NYAP2: variants seen among roughly 807,000 people sequenced by gnomAD.
The protein encoded by NYAP2 is neuronal tyrosine-phosphorylated phosphoinositide-3-kinase adaptor 2.
A neutral mutation model predicts 50.4 loss-of-function variants in NYAP2; 23 were observed. The observed-to-expected ratio is 0.46, with a 90% CI of 0.33 to 0.65. The LOEUF (loss-of-function observed/expected upper bound fraction) is 0.65. Among genes scored for constraint, NYAP2 ranks in the 30% least tolerant of loss-of-function variants. The probability of loss-of-function intolerance (pLI) is 0.02; values close to 1 mark genes in which losing one functional copy is unlikely to be tolerated. For synonymous variants in NYAP2, 394 were observed against 365.2 expected (o/e 1.08, Z -0.90); for missense variants, 885 against 861.0 (o/e 1.03, Z -0.35).
chr2:225,628,315 GT>G (rs543647777), intron 6 of NYAP2, among the ~76,000 whole-genome samples: 1,246 of 109,408 alleles, frequency 0.011, 5 homozygotes, highest in African/African-American at 0.033. Flanking sequence ...AGAACACATA[GT>G]TTTTTTTTTT....
the NYAP2 span, chr2:225,701,320 A>T: frequency 6.6e-6 from 1 of 151,918 alleles, no homozygotes; most frequent in Non-Finnish European, 1.5e-5. Context: ...GATAAAGCTC[A>T]TATTTCTAGC....
intron 6 of NYAP2, among the ~76,000 whole-genome samples, chr2:225,631,072 A>T (rs1177847356): frequency 1.3e-5 from 2 of 152,194 alleles, no homozygotes; most frequent in Non-Finnish European, 2.9e-5. Flanking sequence ...GGAAATTCAG[A>T]TGACACCCTG....
intron 3 of NYAP2, among the ~76,000 whole-genome samples, chr2:225,455,576 T>C (rs1221259514): frequency 6.6e-6 from 1 of 152,190 alleles, no homozygotes; most frequent in Non-Finnish European, 1.5e-5. Flanking sequence ...AAAATGTCCC[T>C]GATTTTAGAC....
exon 7 of NYAP2, chr2:225,651,816 G>T (rs1693737555): frequency 4.4e-6 from 2 of 450,376 alleles, no homozygotes; most frequent in South Asian, 6.1e-5. Context: ...TATAAATGTA[G>T]TAAACTTGTA....
chr2:225,444,786 AC>A (rs1274356114), intron 3 of NYAP2, among the ~76,000 whole-genome samples: 1 of 152,212 alleles, frequency 6.6e-6, no homozygotes, highest in Non-Finnish European at 1.5e-5. Flanking sequence ...GAACTTAGAA[AC>A]AAAAACATTT....
intron 3 of NYAP2, among the ~76,000 whole-genome samples, chr2:225,479,270 G>A (rs1041520299): frequency 6.6e-6 from 1 of 152,094 alleles, no homozygotes; most frequent in African/African-American, 2.4e-5. Context: ...TTTGAATTTG[G>A]TATAATTTGC....
intron 4 of NYAP2, among the ~76,000 whole-genome samples, chr2:225,565,609 G>T (rs1452283905): frequency 6.6e-6 from 1 of 151,210 alleles, no homozygotes; most frequent in Non-Finnish European, 1.5e-5. Flanking sequence ...TTCCAATGTA[G>T]TCAGAGATAA....
intron 3 of NYAP2, among the ~76,000 whole-genome samples, chr2:225,443,787 T>C (rs1428490964): frequency 6.6e-6 from 1 of 152,228 alleles, no homozygotes; most frequent in Non-Finnish European, 1.5e-5. Flanking sequence ...TAGTAATTGT[T>C]CCATATAATT....
chr2:225,673,779 G>A, the NYAP2 span, among the ~76,000 whole-genome samples: 108 of 152,086 alleles, frequency 7.1e-4, 1 homozygote, highest in African/African-American at 2.3e-3. Context: ...ATGATATGTG[G>A]TAAAACAAGA....
intron 3 of NYAP2, among the ~76,000 whole-genome samples, chr2:225,420,479 C>T (rs1695196772): frequency 6.6e-6 from 1 of 152,118 alleles, no homozygotes; most frequent in Admixed American, 6.5e-5. Flanking sequence ...TTCAACATCA[C>T]AGGGTAAATG....
chr2:225,433,260 G>T (rs1372695542), intron 3 of NYAP2, among the ~76,000 whole-genome samples: 1 of 151,910 alleles, frequency 6.6e-6, no homozygotes, highest in African/African-American at 2.4e-5. Flanking sequence ...GCTAAGACAG[G>T]AGGATCACTT....
chr2:225,636,187 C>T (rs1242664138), intron 6 of NYAP2, among the ~76,000 whole-genome samples: 2 of 152,172 alleles, frequency 1.3e-5, no homozygotes, highest in African/African-American at 2.4e-5. Context: ...GCCATTCAAA[C>T]AAGCTTCCTG....
At chr2:225,491,896 A>T (rs1030692956) in intron 3 of NYAP2, among the ~76,000 whole-genome samples, 1 of 152,228 alleles carries the variant, frequency 6.6e-6, no homozygotes, top group African/African-American at 2.4e-5. Context: ...GTTATGCATT[A>T]GCTGGATGTT....
At chr2:225,469,643 A>T (rs1375108315) in intron 3 of NYAP2, among the ~76,000 whole-genome samples, 7 of 152,222 alleles carry the variant, frequency 4.6e-5, no homozygotes, top group Non-Finnish European at 8.8e-5. Context: ...AATGTGGCAC[A>T]TATACACCAT....
At chr2:225,512,864 C>CTTTCTTTCTTTCTTT (rs1690854645) in intron 3 of NYAP2, among the ~76,000 whole-genome samples, 1 of 91,060 alleles carries the variant, frequency 1.1e-5, no homozygotes, top group African/African-American at 4.3e-5. Flanking sequence ...TTCCTTCCTT[C>CTTTCTTTCTTTCTTT]CTTCCTTCCT....
chr2:225,431,333 C>T (rs983834823), intron 3 of NYAP2, among the ~76,000 whole-genome samples: 4 of 152,196 alleles, frequency 2.6e-5, no homozygotes, highest in Non-Finnish European at 2.9e-5. Context: ...TTCTTTCAGA[C>T]TTTCCGTTTA....
chr2:225,489,309 T>G (rs556476888), intron 3 of NYAP2, among the ~76,000 whole-genome samples: 1 of 152,248 alleles, frequency 6.6e-6, no homozygotes, highest in South Asian at 2.1e-4. Flanking sequence ...TTCTCCTGCC[T>G]CAGCCTCCCG....
At chr2:225,660,710 CTG>C in the NYAP2 span, among the ~76,000 whole-genome samples, 1 of 152,102 alleles carries the variant, frequency 6.6e-6, no homozygotes, top group African/African-American at 2.4e-5. Flanking sequence ...TCAAACAAAA[CTG>C]TTTTATGACA....
At chr2:225,615,494 A>G (rs1402961882) in intron 5 of NYAP2, among the ~76,000 whole-genome samples, 1 of 152,232 alleles carries the variant, frequency 6.6e-6, no homozygotes, top group Admixed American at 6.5e-5. Context: ...AAGGCCAGAC[A>G]TGGTCTTAAA....
Sources: allele counts gnomAD v4.1 joint callset (sites outside exome capture counted in the v4.1 genomes callset), GRCh38; gene constraint gnomAD v4.1.1; transcripts MANE v1.5; gene names NCBI Gene and HGNC (gene_info 2026-07-23, HGNC 2026-07-21).